LOC400499: variants seen among roughly 807,000 people sequenced by gnomAD.
the LOC400499 span, among the ~76,000 whole-genome samples, chr16:11,459,164 A>G: frequency 6.6e-6 from 1 of 151,722 alleles, no homozygotes; most frequent in Admixed American, 6.6e-5. Flanking sequence ...CTGGATGTGA[A>G]AAGGGAAAAA....
At chr16:11,450,478 G>A in the LOC400499 span, 4 of 817,266 alleles carry the variant, frequency 4.9e-6, no homozygotes, top group South Asian at 1.8e-5. Context: ...TGCAGGCACT[G>A]GGAGGGCCAG....
At chr16:11,468,032 T>A in the LOC400499 span, among the ~76,000 whole-genome samples, 1 of 151,964 alleles carries the variant, frequency 6.6e-6, no homozygotes, top group Non-Finnish European at 1.5e-5. Context: ...TCTGGGGGCT[T>A]CTAGAATCCA....
At chr16:11,384,987 C>T in the LOC400499 span, 4 of 1,232,252 alleles carry the variant, frequency 3.2e-6, no homozygotes, top group East Asian at 3.2e-5. Flanking sequence ...CTGGAGACGT[C>T]CTTCCTTGTC....
At chr16:11,524,983 T>A in the LOC400499 span, among the ~76,000 whole-genome samples, 2 of 152,280 alleles carry the variant, frequency 1.3e-5, no homozygotes, top group South Asian at 2.1e-4. Flanking sequence ...ACCTGTTTAA[T>A]CCCTCGAAAA....
the LOC400499 span, among the ~76,000 whole-genome samples, chr16:11,458,614 G>A: frequency 2.7e-4 from 41 of 152,322 alleles, no homozygotes; most frequent in Admixed American, 6.5e-4. Flanking sequence ...ACTGGGAGAA[G>A]GAGAGAATGG....
the LOC400499 span, among the ~76,000 whole-genome samples, chr16:11,388,686 G>C: frequency 1.2e-4 from 18 of 152,290 alleles, no homozygotes; most frequent in South Asian, 3.3e-3. Flanking sequence ...TCCTAGGTCA[G>C]AGCAGAAGCC....
At chr16:11,385,452 G>T in the LOC400499 span, 6 of 1,216,774 alleles carry the variant, frequency 4.9e-6, no homozygotes, top group Non-Finnish European at 6.2e-6. Context: ...GGTGAGCGGG[G>T]CCAGCTCCAC....
At chr16:11,426,437 T>C in the LOC400499 span, among the ~76,000 whole-genome samples, 1 of 152,146 alleles carries the variant, frequency 6.6e-6, no homozygotes, top group Non-Finnish European at 1.5e-5. Context: ...GGCAAGACTC[T>C]GTCTCTAAAA....
chr16:11,497,855 G>A, the LOC400499 span, among the ~76,000 whole-genome samples: 124 of 151,982 alleles, frequency 8.2e-4, no homozygotes, highest in African/African-American at 2.9e-3. Flanking sequence ...AATGGGAGGA[G>A]AAGAAAACAA....
At chr16:11,484,602 G>A in the LOC400499 span, among the ~76,000 whole-genome samples, 1 of 152,164 alleles carries the variant, frequency 6.6e-6, no homozygotes, top group South Asian at 2.1e-4. Context: ...AAGATGGTCT[G>A]GGTGCTGGTG....
the LOC400499 span, among the ~76,000 whole-genome samples, chr16:11,525,340 G>T: frequency 6.6e-6 from 1 of 151,706 alleles, no homozygotes; most frequent in African/African-American, 2.4e-5. Context: ...AAAACGGGGA[G>T]GGGTGGAGGT....
chr16:11,523,755 A>G, the LOC400499 span, among the ~76,000 whole-genome samples: 1 of 151,786 alleles, frequency 6.6e-6, no homozygotes, highest in Non-Finnish European at 1.5e-5. Flanking sequence ...CCTCATCACT[A>G]CCTGAGTCCA....
the LOC400499 span, among the ~76,000 whole-genome samples, chr16:11,438,156 G>T: frequency 1.3e-5 from 2 of 152,160 alleles, no homozygotes; most frequent in South Asian, 2.1e-4. Context: ...CACAAAGAGG[G>T]TTTAGAACAG....
the LOC400499 span, among the ~76,000 whole-genome samples, chr16:11,463,877 G>A: frequency 6.1e-4 from 93 of 152,220 alleles, no homozygotes; most frequent in African/African-American, 1.9e-3. Flanking sequence ...ATACGGATGC[G>A]TGCATATGAA....
chr16:11,392,172 G>T, the LOC400499 span: 1 of 399,220 alleles, frequency 2.5e-6, no homozygotes, highest in Non-Finnish European at 4.4e-6. Flanking sequence ...GGTGCCAGCA[G>T]CAGGTGTGGG....
the LOC400499 span, among the ~76,000 whole-genome samples, chr16:11,480,284 C>T: frequency 7.9e-5 from 12 of 152,220 alleles, no homozygotes; most frequent in African/African-American, 1.4e-4. Flanking sequence ...TTATATCTAG[C>T]GGACCTCCCT....
the LOC400499 span, among the ~76,000 whole-genome samples, chr16:11,374,626 C>T: frequency 6.6e-6 from 1 of 152,188 alleles, no homozygotes; most frequent in Admixed American, 6.5e-5. Flanking sequence ...ATAATGTCCT[C>T]AAGGGTCATC....
chr16:11,525,354 G>C, the LOC400499 span, among the ~76,000 whole-genome samples: 1 of 151,870 alleles, frequency 6.6e-6, no homozygotes, highest in African/African-American at 2.4e-5. Context: ...TGGAGGTAGG[G>C]TGCATTATAT....
chr16:11,455,741 GAAAAAA>G, the LOC400499 span, among the ~76,000 whole-genome samples: 20 of 131,748 alleles, frequency 1.5e-4, no homozygotes, highest in Non-Finnish European at 2.4e-4. Flanking sequence ...TCTCAAAAAA[GAAAAAA>G]AAAAAAAAAG....
Sources: gnomAD v4.1 joint callset for allele counts (sites outside exome capture counted in the v4.1 genomes callset) on GRCh38, gnomAD v4.1.1 for gene constraint, MANE v1.5 for transcripts.